Variants in POLR3H observed in about 807,000 individuals in gnomAD.
POLR3H encodes RNA polymerase III subunit H.
In POLR3H, 17 loss-of-function variants were observed where a neutral mutation model predicts 25.5. That is an observed-to-expected ratio of 0.67 (90% CI 0.46 to 1.00). POLR3H has a LOEUF of 1.00. Among genes scored for constraint, POLR3H ranks in the 50% least tolerant of loss-of-function variants. POLR3H has a pLI of 0.00. For missense variants in POLR3H, 274 were observed against 265.0 expected, an observed-to-expected ratio of 1.03 and a Z score of -0.24; for synonymous variants, 129 against 103.0, an observed-to-expected ratio of 1.25 and a Z score of -1.53.
In POLR3H at chr22:41,528,760, T is replaced by C; in HGVS notation, c.*523A>G. 1.7e-6 allele frequency: 2 copies of C among 1,168,822 alleles called. No homozygotes were observed. Among genetic ancestry groups the C allele is most frequent in the Non-Finnish European group, 2.3e-6 (2 of 859,494 alleles). The allele number at this position is 1,168,822 out of a possible 1,614,324, so 72.4% of individuals were successfully genotyped here. A position where few individuals can be genotyped will look rare whatever the true frequency, so the allele number is the denominator to read the frequency against. On this transcript the variant is annotated 3_prime_UTR_variant, in exon 6 of 6. Transcript: ENST00000355209. ...CTCCCCGCTTAGCCCACGGAGTGACTGTGGTTGTGGTGGGGGGGTTCTTAA... is the reference window on the plus strand; with the variant it reads ...CTCCCCGCTTAGCCCACGGAGTGACCGTGGTTGTGGTGGGGGGGTTCTTAA...
chr22:41,534,591 T>C (rs1342967340), intron 2 of POLR3H, among the ~76,000 whole-genome samples: 1 of 152,032 alleles, frequency 6.6e-6, no homozygotes, highest in African/African-American at 2.4e-5. Flanking sequence ...TGTAGGGTGA[T>C]AAAAACGCTG....
At chr22:41,536,380 G>C (rs1161232590) in intron 2 of POLR3H, among the ~76,000 whole-genome samples, 1 of 151,868 alleles carries the variant, frequency 6.6e-6, no homozygotes, top group Non-Finnish European at 1.5e-5. Context: ...GGGCGACAGA[G>C]CGAGACTCCA....
rs575227185 is a variant in POLR3H at position 41,544,160 on chromosome 22, G to A, written c.-59C>T. ...GGTCAGTCACGCACCAGGGCCGGGGGCAGGGAGAATCCCCGAGCCCCTTGG... is the reference window on the plus strand; with the variant it reads ...GGTCAGTCACGCACCAGGGCCGGGGACAGGGAGAATCCCCGAGCCCCTTGG... On this transcript the variant is annotated 5_prime_UTR_variant, in exon 1 of 6. Transcript: ENST00000355209. 20 of 1,068,972 alleles carry A rather than the reference G, an allele frequency of 1.9e-5. No homozygotes were observed. Among genetic ancestry groups the A allele is most frequent in the Non-Finnish European group, 1.4e-5 (10 of 709,572 alleles). The allele number at this position is 1,068,972 out of a possible 1,614,324, so 66.2% of individuals were successfully genotyped here.
At chr22:41,535,530 CAAG>C (rs1302600531) in intron 2 of POLR3H, among the ~76,000 whole-genome samples, 2 of 152,172 alleles carry the variant, frequency 1.3e-5, no homozygotes, top group Admixed American at 6.5e-5. Context: ...AAAGGACCAT[CAAG>C]AAGAGGAAGG....
rs994794765 is a variant in POLR3H at position 41,527,054 on chromosome 22, T to C, written c.*2229A>G. On this transcript the variant is annotated 3_prime_UTR_variant, in exon 6 of 6. Transcript: ENST00000355209. ...AAGCACCAATGGGTGGCTTCTGTCTTCTTTGCCACTGCAAACAACCACGTG... is the reference window on the plus strand; with the variant it reads ...AAGCACCAATGGGTGGCTTCTGTCTCCTTTGCCACTGCAAACAACCACGTG... 13 of 606,192 alleles carry C rather than the reference T, an allele frequency of 2.1e-5. No individual in the cohort carries two copies. The Admixed American group carries it at 2.7e-4, about 13-fold the overall frequency. The allele number at this position is 606,192 out of a possible 1,614,324, so 37.6% of individuals were successfully genotyped here. A position where few individuals can be genotyped will look rare whatever the true frequency, so the allele number is the denominator to read the frequency against.
chr22:41,528,842 T>G lies in POLR3H; in HGVS notation c.*441A>C. On this transcript the variant is annotated 3_prime_UTR_variant, in exon 6 of 6. Transcript: ENST00000355209. ...GAGTTTGGTTCAGATCTTAAGCAGCTCCATGCAACTGTATTTATTTTTGAT... is the reference window on the plus strand; with the variant it reads ...GAGTTTGGTTCAGATCTTAAGCAGCGCCATGCAACTGTATTTATTTTTGAT... 1.7e-6 allele frequency: 1 copy of G among 576,152 alleles called. No individual in the cohort carries two copies. Among genetic ancestry groups the G allele is most frequent in the Non-Finnish European group, 3.0e-6 (1 of 332,772 alleles). 35.7% of individuals were successfully genotyped at this position (576,152 alleles called of 1,614,324 possible).
At chr22:41,540,336 C>T (rs1051073976) in intron 2 of POLR3H, 16 of 364,246 alleles carry the variant, frequency 4.4e-5, no homozygotes, top group Non-Finnish European at 1.6e-5. Context: ...ACCAACTAGT[C>T]CACATCCCAG....
chr22:41,540,747 G>A lies in POLR3H; in HGVS notation c.160C>T (p.Leu54=). The change falls in exon 2 of 6, where the codon CTG becomes TTG. Residue 54 remains leucine, a synonymous_variant. Transcript: ENST00000355209. Reference sequence around the variant, plus strand: ...CCAGGGAATACATAGGCATCCTCCAGTTTGGTGATATCAAACAGACAAATG... The same window carrying A: ...CCAGGGAATACATAGGCATCCTCCAATTTGGTGATATCAAACAGACAAATG... ...LCICLFDITK[L]EDAYVFPGDG... is the part of the protein sequence containing the mutation. 6.2e-7 allele frequency: 1 copy of A among 1,614,132 alleles called. No individual in the cohort carries two copies. The highest frequency in any genetic ancestry group is 8.5e-7 in the Non-Finnish European group (1 of 1,179,996).
Position 41,544,126 on chromosome 22 carries a change from G to C in POLR3H, c.-25C>G, listed in dbSNP as rs750063616. 6.8e-7 allele frequency: 1 copy of C among 1,471,062 alleles called. No individual in the cohort carries two copies. Among genetic ancestry groups the C allele is most frequent in the Admixed American group, 1.7e-5 (1 of 59,132 alleles). The allele number at this position is 1,471,062 out of a possible 1,614,324, so 91.1% of individuals were successfully genotyped here. Reference sequence around the variant, plus strand: ...TCCCGGCCTGCGCTGGGGGCTCTGGGAACAGGAGGGTCAGTCACGCACCAG... The same window carrying C: ...TCCCGGCCTGCGCTGGGGGCTCTGGCAACAGGAGGGTCAGTCACGCACCAG... On this transcript the variant is annotated 5_prime_UTR_variant, in exon 1 of 6. Transcript: ENST00000355209.
chr22:41,542,342 C>T (rs1409499127), intron 1 of POLR3H, among the ~76,000 whole-genome samples: 1 of 152,116 alleles, frequency 6.6e-6, no homozygotes, highest in Non-Finnish European at 1.5e-5. Flanking sequence ...CCTCAGCCTC[C>T]CAAAGTGGTG....
At position 41,532,765 on chromosome 22, in the gene POLR3H, A is replaced by G. The variant is rs766802493; in HGVS notation, c.209-20T>C. 4.5e-5 allele frequency: 73 copies of G among 1,611,780 alleles called. No homozygotes were observed. In the South Asian group the frequency reaches 7.4e-4, roughly 16 times the overall value. ...AATGGACTGGAAATGAAGACAGCCCATCAGTGATGCTGACCGGGGCCCCAG... is the reference window on the plus strand; with the variant it reads ...AATGGACTGGAAATGAAGACAGCCCGTCAGTGATGCTGACCGGGGCCCCAG... On this transcript the variant is annotated intron_variant, in intron 2 of 5. Transcript: ENST00000355209.
rs2066782142 is a variant in POLR3H at position 41,533,405 on chromosome 22, C to T, written c.209-660G>A. 8 of 784,734 alleles carry T rather than the reference C, an allele frequency of 1.0e-5. No individual in the cohort carries two copies. In the South Asian group the frequency reaches 1.2e-4, roughly 12 times the overall value. The allele number at this position is 784,734 out of a possible 1,614,324, so 48.6% of individuals were successfully genotyped here. A position where few individuals can be genotyped will look rare whatever the true frequency, so the allele number is the denominator to read the frequency against. ...TGACCTGAGAATCAGCACGCGGCTG[C>T]CCCCTGCTGGTTACCAACAGAGTTC... On this transcript the variant is annotated intron_variant, in intron 2 of 5. Coordinates refer to ENST00000355209, the MANE Select transcript of POLR3H (RefSeq NM_001018050.4).
intron 2 of POLR3H, among the ~76,000 whole-genome samples, chr22:41,537,525 A>AAAGCATGGCAAAGTGAGG (rs1338525371): frequency 1.3e-5 from 2 of 152,232 alleles, no homozygotes; most frequent in African/African-American, 4.8e-5. Context: ...ATTGGTTCCC[A>AAAGCATGGCAAAGTGAGG]CCACAAAATC....
In POLR3H at chr22:41,530,876, C is replaced by T; in HGVS notation, c.372G>A (p.Glu124=). 6.2e-7 allele frequency: 1 copy of T among 1,613,856 alleles called. No individual in the cohort carries two copies. Among genetic ancestry groups the T allele is most frequent in the Non-Finnish European group, 8.5e-7 (1 of 1,180,028 alleles). Residue 124 remains glutamate, a synonymous_variant, in exon 5 of 6, where the codon GAG becomes GAA. Transcript: ENST00000355209. The stretch of plus-strand genomic sequence containing the variant: ...TCTCGTACTCCCACACCCACACCTG[C>T]TCCGCTTCGTCGCTGAGGGGGTCCA... ...LQQPAKFDEA[E]QVWVWEYETE...
chr22:41,532,299 C>G, intron 3 of POLR3H, 142 bp from the exon 4 acceptor site: 1 of 804,692 alleles, frequency 1.2e-6, no homozygotes, highest in East Asian at 2.6e-5. Flanking sequence ...GGCCCCTTCC[C>G]CACCTAATGC....
rs2066913640 is a variant in POLR3H, at chr22:41,540,647, C to T, written c.208+52G>A. ...CTGGATTTGGCTTGACCTTTGGCTACAGAAAACTGAGCCCCAAGAAGCCCA... is the reference window on the plus strand; with the variant it reads ...CTGGATTTGGCTTGACCTTTGGCTATAGAAAACTGAGCCCCAAGAAGCCCA... On this transcript the variant is annotated intron_variant, in intron 2 of 5. Coordinates refer to ENST00000355209, the MANE Select transcript of POLR3H (RefSeq NM_001018050.4). 7 of 1,405,164 alleles carry T rather than the reference C, an allele frequency of 5.0e-6. No individual in the cohort carries two copies. The East Asian group carries it at 1.1e-4, about 23-fold the overall frequency. The allele number at this position is 1,405,164 out of a possible 1,614,324, so 87.0% of individuals were successfully genotyped here.
intron 2 of POLR3H, 135 bp from the exon 3 acceptor site, chr22:41,532,880 C>A: frequency 1.1e-6 from 1 of 906,744 alleles, no homozygotes; most frequent in Non-Finnish European, 1.6e-6. Context: ...TAGACCCTCC[C>A]TTTGTCTCCT....
rs913391799 is a variant in POLR3H, at chr22:41,526,727, G to A, written c.*2556C>T. On this transcript the variant is annotated 3_prime_UTR_variant, in exon 6 of 6. Transcript: ENST00000355209. Reference sequence around the variant, plus strand: ...GCCCTAGACAAAGACAAGGAAGGGGGCCGACTCAGGAAGTCAGAGGCCAAA... The same window carrying A: ...GCCCTAGACAAAGACAAGGAAGGGGACCGACTCAGGAAGTCAGAGGCCAAA... 7 of 408,084 alleles carry A rather than the reference G, an allele frequency of 1.7e-5. No individual in the cohort carries two copies. The highest frequency in any genetic ancestry group is 3.1e-5 in the Non-Finnish European group (7 of 225,974). 25.3% of individuals were successfully genotyped at this position (408,084 alleles called of 1,614,324 possible). A position where few individuals can be genotyped will look rare whatever the true frequency, so the allele number is the denominator to read the frequency against.
In POLR3H at chr22:41,538,286, G is replaced by A. The variant is rs548354505; in HGVS notation, c.208+2413C>T. Among the ~76,000 whole-genome samples, 41 of 151,940 alleles carry A rather than the reference G, an allele frequency of 2.7e-4. No homozygotes were observed. The South Asian group carries it at 7.7e-3, about 29-fold the overall frequency. Reference sequence around the variant, plus strand: ...GTAGCTGGGACTACAGGTGCCTGCCGCCACACCTGGCTAATGTTTTGTATT... The same window carrying A: ...GTAGCTGGGACTACAGGTGCCTGCCACCACACCTGGCTAATGTTTTGTATT... On this transcript the variant is annotated intron_variant, in intron 2 of 5. Transcript: ENST00000355209.
Sources: allele counts gnomAD v4.1 joint callset (sites outside exome capture counted in the v4.1 genomes callset), GRCh38; gene constraint gnomAD v4.1.1; transcripts MANE v1.5; gene names NCBI Gene and HGNC (gene_info 2026-07-23, HGNC 2026-07-21).